Variants in ERCC2 observed in about 807,000 individuals in gnomAD.
The protein encoded by ERCC2 is general transcription and DNA repair factor IIH helicase subunit XPD.
Under a neutral mutation model 99.4 loss-of-function variants are expected in ERCC2, and 90 were observed. The ratio of observed to expected loss-of-function variants is 0.91; its 90% CI spans 0.76 to 1.08. ERCC2 has a LOEUF of 1.08. Ranked by LOEUF, ERCC2 falls within the 50% of genes least tolerant of loss-of-function variation. The pLI, the probability that ERCC2 is intolerant of heterozygous loss-of-function variation, is 0.00. For synonymous variants in ERCC2, 497 were observed against 432.4 expected, an observed-to-expected ratio of 1.15 and a Z score of -1.85; for missense variants, 993 against 1,038.1, an observed-to-expected ratio of 0.96 and a Z score of 0.60.
Position 45,351,556 on chromosome 19 carries a change from A to ACCG in ERCC2, c.*70_*72dup, listed in dbSNP as rs1971778398. On this transcript the variant is annotated 3_prime_UTR_variant, in exon 23 of 23. Transcript: ENST00000391945. ...TGACTTCATAAGACCTTCTAGCACCACCGCCGCTGGGAACCAGGGCCAGGC... is the reference window on the plus strand; with the variant it reads ...TGACTTCATAAGACCTTCTAGCACCACCGCCGCCGCTGGGAACCAGGGCCAGGC... The ACCG allele has an allele frequency of 6.2e-5, 100 of 1,608,016 alleles. No homozygotes were observed. The South Asian group carries it at 9.4e-4, about 15-fold the overall frequency.
intron 11 of ERCC2, among the ~76,000 whole-genome samples, chr19:45,363,011 G>A (rs977910372): frequency 2.0e-5 from 3 of 152,174 alleles, no homozygotes; most frequent in Non-Finnish European, 4.4e-5. Context: ...GGCAGGGTAG[G>A]TGATTGGCTT....
intron 15 of ERCC2, among the ~76,000 whole-genome samples, 170 bp from the exon 16 acceptor site, chr19:45,355,898 TCCC>T (rs1971997202): frequency 6.7e-6 from 1 of 148,814 alleles, no homozygotes; most frequent in Admixed American, 6.7e-5. Context: ...CAAGTGACCA[TCCC>T]GCCTTGGCCT....
intron 9 of ERCC2, 57 bp downstream of exon 9, chr19:45,364,178 A>G (rs1419657414): frequency 1.9e-6 from 3 of 1,611,200 alleles, no homozygotes; most frequent in African/African-American, 1.3e-5. Flanking sequence ...CAAGTCAGAC[A>G]GGGGCCAGGG....
In ERCC2 at chr19:45,349,982, C is replaced by T. The variant is rs993696295; in HGVS notation, c.*1647G>A. On this transcript the variant is annotated 3_prime_UTR_variant, in exon 23 of 23. Transcript: ENST00000391945. Reference sequence around the variant, plus strand: ...GGAAGACTGAGGCACCGAGGCCATGCCACCAGCCCAAAGTACAGCAGACAG... The same window carrying T: ...GGAAGACTGAGGCACCGAGGCCATGTCACCAGCCCAAAGTACAGCAGACAG... The T allele has an allele frequency of 1.4e-5, 6 of 420,058 alleles. No individual in the cohort carries two copies. Among genetic ancestry groups the T allele is most frequent in the African/African-American group, 8.0e-5 (4 of 50,184 alleles). The allele number at this position is 420,058 out of a possible 1,614,324, so 26.0% of individuals were successfully genotyped here.
At position 45,351,591 on chromosome 19, in the gene ERCC2, G is replaced by T. The variant is rs1466128945; in HGVS notation, c.*38C>A. ...GGAACCAGGGCCAGGCAAGACTCAGGAGTCACCAGGAACCGTTTATGGCCC... is the reference window on the plus strand; with the variant it reads ...GGAACCAGGGCCAGGCAAGACTCAGTAGTCACCAGGAACCGTTTATGGCCC... On this transcript the variant is annotated 3_prime_UTR_variant, in exon 23 of 23. Transcript: ENST00000391945. 1 of 1,612,248 alleles carries T rather than the reference G, an allele frequency of 6.2e-7. No individual in the cohort carries two copies. Among genetic ancestry groups the T allele is most frequent in the South Asian group, 1.1e-5 (1 of 91,070 alleles).
chr19:45,352,494 C>T lies in ERCC2; in HGVS notation c.2046+12G>A, dbSNP rs769519662. ...CTGGGATGGGAGCACAGGGGCACCCCTGAAGCTGCACCTTGTCGGCAAAGA... is the reference window on the plus strand; with the variant it reads ...CTGGGATGGGAGCACAGGGGCACCCTTGAAGCTGCACCTTGTCGGCAAAGA... On this transcript the variant is annotated intron_variant, in intron 21 of 22. Transcript: ENST00000391945. 8.7e-6 allele frequency: 14 copies of T among 1,614,172 alleles called. No individual in the cohort carries two copies. The highest frequency in any genetic ancestry group is 1.7e-4 in the Middle Eastern group (1 of 6,060).
At position 45,368,927 on chromosome 19, in the gene ERCC2, T is replaced by G; in HGVS notation, c.246+3A>C. 6.2e-7 allele frequency: 1 copy of G among 1,614,174 alleles called. No homozygotes were observed. ...TGGAGCACCAGGATGAGTCCCAGCTTACCTTCTCAATCTCTGGCACAGTTC... is the reference window on the plus strand; with the variant it reads ...TGGAGCACCAGGATGAGTCCCAGCTGACCTTCTCAATCTCTGGCACAGTTC... On this transcript the variant is annotated splice_donor_region_variant and intron_variant, in intron 4 of 22. Coordinates refer to ENST00000391945, the MANE Select transcript of ERCC2 (RefSeq NM_000400.4).
intron 15 of ERCC2, 149 bp from the exon 16 acceptor site, chr19:45,355,877 ACAC>A: frequency 1.4e-6 from 1 of 706,544 alleles, no homozygotes; most frequent in South Asian, 1.6e-5. Flanking sequence ...CTGATCTTGA[ACAC>A]CTGGCCTCAA....
Position 45,353,080 on chromosome 19 carries a change from C to G in ERCC2, c.1831+3G>C. ...CTGGGGAGGAAGAGCCCAGTCCACT[C>G]ACCAAAGTCGATTCCCTCGGACACT... On this transcript the variant is annotated splice_donor_region_variant and intron_variant, in intron 19 of 22. Coordinates refer to ENST00000391945, the MANE Select transcript of ERCC2 (RefSeq NM_000400.4). 6.2e-7 allele frequency: 1 copy of G among 1,612,528 alleles called. No individual in the cohort carries two copies. The highest frequency in any genetic ancestry group is 2.2e-5 in the East Asian group (1 of 44,850).
At chr19:45,364,152 C>T in intron 9 of ERCC2, 33 bp from the exon 10 acceptor site, 2 of 1,611,690 alleles carry the variant, frequency 1.2e-6, no homozygotes, top group South Asian at 1.1e-5. Context: ...TGGGAGGGGG[C>T]TGGCAACCCT....
At chr19:45,367,364 T>TACACACACACACAC (rs1277272381) in intron 5 of ERCC2, among the ~76,000 whole-genome samples, 5 of 102,270 alleles carry the variant, frequency 4.9e-5, no homozygotes, top group African/African-American at 1.3e-4. Context: ...AATATATATA[T>TACACACACACACAC]ATATACACAC....
intron 12 of ERCC2, among the ~76,000 whole-genome samples, chr19:45,359,929 C>T (rs928414966): frequency 6.6e-6 from 1 of 151,974 alleles, no homozygotes; most frequent in African/African-American, 2.4e-5. Flanking sequence ...TGCGTGCCAC[C>T]ACGTCCAGCT....
intron 17 of ERCC2, among the ~76,000 whole-genome samples, chr19:45,354,193 CCCCTCCCA>C (rs1971933171): frequency 6.6e-6 from 1 of 152,200 alleles, no homozygotes; most frequent in Non-Finnish European, 1.5e-5. Flanking sequence ...AGAGTGGCCT[CCCCTCCCA>C]CCCATGTCCT....
At position 45,353,248 on chromosome 19, in the gene ERCC2, G is replaced by GTAC. The variant is rs1246376622; in HGVS notation, c.1749_1751dup (p.Lys583_Tyr584insTer). 6.2e-7 allele frequency: 1 copy of GTAC among 1,613,510 alleles called. No individual in the cohort carries two copies. On this transcript the variant is annotated stop_gained, in exon 18 of 23. Transcript: ENST00000391945. LOFTEE classifies it high-confidence loss of function. ...GCTGGCCTCGCACACCCACCTCCTG[G>GTAC]TACTTCTCCAGGGCGACACTGGTTT...
chr19:45,369,222 C>T (rs925597880), intron 2 of ERCC2, 75 bp from the exon 3 acceptor site: 43 of 1,220,478 alleles, frequency 3.5e-5, no homozygotes, highest in Non-Finnish European at 5.1e-5. Flanking sequence ...GGACTCTCCC[C>T]GACCCCCAAT....
Position 45,353,210 on chromosome 19 carries a change from G to C in ERCC2, c.1758+32C>G, listed in dbSNP as rs238417. The C allele has an allele frequency of 0.59, 956,216 of 1,610,776 alleles. 287,266 individuals carry two copies. The highest frequency in any genetic ancestry group is 0.86 in the African/African-American group (64,646 of 74,826). ...GGTCACTCCTCAGAGCCACCTCCCCGACCCCTCTCCACGCTGGCCTCGCAC... is the reference window on the plus strand; with the variant it reads ...GGTCACTCCTCAGAGCCACCTCCCCCACCCCTCTCCACGCTGGCCTCGCAC... On this transcript the variant is annotated intron_variant, in intron 18 of 22. Coordinates refer to ENST00000391945, the MANE Select transcript of ERCC2 (RefSeq NM_000400.4).
chr19:45,350,073 C>A lies in ERCC2; in HGVS notation c.*1556G>T. The A allele has an allele frequency of 2.0e-6, 1 of 497,094 alleles. No homozygotes were observed. The highest frequency in any genetic ancestry group is 3.6e-6 in the Non-Finnish European group (1 of 277,718). 30.8% of individuals were successfully genotyped at this position (497,094 alleles called of 1,614,324 possible). On this transcript the variant is annotated 3_prime_UTR_variant, in exon 23 of 23. Transcript: ENST00000391945. ...AGGAAGTAAGGCCGAGCTCCAAACC[C>A]ACTCTGCCCCAGGGCAAGGCTTTAG...
Position 45,351,417 on chromosome 19 carries a change from TG to T in ERCC2, c.*211del. On this transcript the variant is annotated 3_prime_UTR_variant, in exon 23 of 23. Coordinates refer to ENST00000391945, the MANE Select transcript of ERCC2 (RefSeq NM_000400.4). ...GAACAGTGCAGGAGGGATGGGCTGG[TG>T]GGGTGAGAGGGGGTCTATCATCTCC... 1.9e-6 allele frequency: 3 copies of T among 1,596,398 alleles called. No homozygotes were observed. Among genetic ancestry groups the T allele is most frequent in the Non-Finnish European group, 2.6e-6 (3 of 1,174,702 alleles).
rs1485191469 is a variant in ERCC2 at position 45,350,370 on chromosome 19, T to C, written c.*1259A>G. The stretch of plus-strand genomic sequence containing the variant: ...CAGCCTACCTGAAACAGAACAAGTA[T>C]CAACAAGCGGAAGAGCTGTACAAAG... On this transcript the variant is annotated 3_prime_UTR_variant, in exon 23 of 23. Coordinates refer to ENST00000391945, the MANE Select transcript of ERCC2 (RefSeq NM_000400.4). The C allele has an allele frequency of 6.2e-7, 1 of 1,612,270 alleles. No homozygotes were observed. The highest frequency in any genetic ancestry group is 1.3e-5 in the African/African-American group (1 of 74,310).
Sources: allele counts gnomAD v4.1 joint callset (sites outside exome capture counted in the v4.1 genomes callset), GRCh38; gene constraint gnomAD v4.1.1; transcripts MANE v1.5; gene names NCBI Gene and HGNC (gene_info 2026-07-23, HGNC 2026-07-21).